KAZN: variants seen among roughly 807,000 people sequenced by gnomAD.
KAZN encodes the protein kazrin.
Under a neutral mutation model 87.4 loss-of-function variants are expected in KAZN, and 40 were observed. That is an observed-to-expected ratio of 0.46 (90% CI 0.36 to 0.60). KAZN has a LOEUF of 0.60. KAZN is among the 20% of genes least tolerant of loss of function. The pLI is 0.00. For synonymous variants in KAZN, 466 were observed against 458.3 expected, an observed-to-expected ratio of 1.02 and a Z score of -0.22; for missense variants, 898 against 1,073.9, an observed-to-expected ratio of 0.84 and a Z score of 2.29.
chr1:14,804,980 TC>T (rs1360990746), intron 1 of KAZN, among the ~76,000 whole-genome samples: 1 of 152,216 alleles, frequency 6.6e-6, no homozygotes, highest in Non-Finnish European at 1.5e-5. Context: ...TTTAATTATT[TC>T]CTTTTCATGT....
At chr1:13,995,631 A>G (rs916991771) in intron 1 of KAZN, among the ~76,000 whole-genome samples, 4 of 152,242 alleles carry the variant, frequency 2.6e-5, no homozygotes, top group African/African-American at 4.8e-5. Context: ...CACGATCCCA[A>G]TCAAACCCCA....
Position 15,103,227 on chromosome 1 carries a change from A to G in KAZN, c.1780-132A>G, listed in dbSNP as rs1641145962. 4.5e-6 allele frequency: 3 copies of G among 663,742 alleles called. No homozygotes were observed. The Admixed American group carries it at 7.0e-5, about 15-fold the overall frequency. 41.1% of individuals were successfully genotyped at this position (663,742 alleles called of 1,614,324 possible). On this transcript the variant is annotated intron_variant, in intron 11 of 14. Transcript: ENST00000376030. ...GGTTGCAGTGAGCACAGATAGCACC[A>G]CTGCACTCATGCCTGGGCAGCAGAG...
chr1:14,429,205 A>C (rs2101369109), intron 2 of KAZN, among the ~76,000 whole-genome samples: 1 of 152,312 alleles, frequency 6.6e-6, no homozygotes, highest in East Asian at 1.9e-4. Context: ...ATCTCCTAAG[A>C]ATAGCAGGGT....
rs116183363 is a variant in KAZN at position 14,687,589 on chromosome 1, C to T, written c.226+88366C>T. ...GCATTAGAAGAACTTTCCAGGCCAG[C>T]GTGTAAGACACAAGGGGGGAGGATA... On this transcript the variant is annotated intron_variant, in intron 1 of 14. Coordinates refer to ENST00000376030, the MANE Select transcript of KAZN (RefSeq NM_201628.3). Among the ~76,000 whole-genome samples the T allele has an allele frequency of 4.4e-3, 670 of 152,246 alleles. 2 individuals are homozygous for T. The highest frequency in any genetic ancestry group is 5.3e-3 in the Non-Finnish European group (362 of 68,038).
intron 1 of KAZN, among the ~76,000 whole-genome samples, chr1:14,114,465 C>T (rs1174966093): frequency 6.6e-6 from 1 of 152,020 alleles, no homozygotes; most frequent in Non-Finnish European, 1.5e-5. Flanking sequence ...CTCTCTCGAG[C>T]CCCCTATTCC....
intron 2 of KAZN, among the ~76,000 whole-genome samples, chr1:15,008,121 G>C (rs965765243): frequency 5.9e-5 from 9 of 152,348 alleles, no homozygotes; most frequent in Middle Eastern, 3.4e-3. Flanking sequence ...GCCTGCGGAA[G>C]TGGGTAGCTG....
intron 2 of KAZN, among the ~76,000 whole-genome samples, chr1:14,325,248 G>T (rs1656328488): frequency 6.6e-6 from 1 of 152,134 alleles, no homozygotes; most frequent in Non-Finnish European, 1.5e-5. Flanking sequence ...ATCACTCTGA[G>T]CATTAAAGCC....
intron 1 of KAZN, among the ~76,000 whole-genome samples, chr1:14,742,340 T>C (rs540706145): frequency 6.6e-6 from 1 of 152,360 alleles, no homozygotes; most frequent in African/African-American, 2.4e-5. Context: ...TATTCATGAA[T>C]GTGTCCCTCC....
chr1:14,854,959 C>A (rs1396558235), intron 1 of KAZN, among the ~76,000 whole-genome samples: 2 of 152,112 alleles, frequency 1.3e-5, no homozygotes, highest in African/African-American at 4.8e-5. Context: ...AATAGCAACA[C>A]TAGATGATTT....
chr1:14,858,878 T>C (rs770583851), intron 1 of KAZN, among the ~76,000 whole-genome samples: 1 of 152,202 alleles, frequency 6.6e-6, no homozygotes, highest in Non-Finnish European at 1.5e-5. Context: ...TCTCATCATG[T>C]ACATCTCGTG....
chr1:13,912,664 C>A (rs951225377), intron 1 of KAZN, among the ~76,000 whole-genome samples: 1 of 152,142 alleles, frequency 6.6e-6, no homozygotes, highest in Non-Finnish European at 1.5e-5. Flanking sequence ...AATGCAGTGG[C>A]ACAATCTTGG....
chr1:15,060,069 T>C (rs949803427), intron 5 of KAZN, 103 bp from the exon 6 acceptor site: 5 of 1,456,276 alleles, frequency 3.4e-6, no homozygotes, highest in Admixed American at 1.9e-5. Context: ...CACCTCAGTG[T>C]TCCCATCTGT....
At chr1:14,639,131 C>T (rs1422385774) in intron 1 of KAZN, among the ~76,000 whole-genome samples, 1 of 152,184 alleles carries the variant, frequency 6.6e-6, no homozygotes, top group African/African-American at 2.4e-5. Context: ...GCCAGAAAGG[C>T]TGGACAGACA....
intron 2 of KAZN, among the ~76,000 whole-genome samples, chr1:14,483,502 A>G (rs1669189879): frequency 6.6e-6 from 1 of 152,234 alleles, no homozygotes; most frequent in Non-Finnish European, 1.5e-5. Context: ...ACCTCTGTTA[A>G]TGGAAAAACC....
chr1:14,173,000 G>A (rs1456792437), intron 1 of KAZN, among the ~76,000 whole-genome samples: 1 of 152,168 alleles, frequency 6.6e-6, no homozygotes, highest in Non-Finnish European at 1.5e-5. Context: ...ATGGGCAGAA[G>A]CTGCAAGACC....
intron 3 of KAZN, among the ~76,000 whole-genome samples, chr1:15,038,245 C>T (rs747176758): frequency 7.3e-5 from 11 of 151,636 alleles, no homozygotes; most frequent in Non-Finnish European, 1.6e-4. Context: ...CAGAATGAGA[C>T]CTTATCTCAA....
chr1:14,209,271 C>A (rs1247150852), intron 2 of KAZN, among the ~76,000 whole-genome samples: 1 of 152,222 alleles, frequency 6.6e-6, no homozygotes, highest in Non-Finnish European at 1.5e-5. Context: ...AAACCAGAAC[C>A]AGAAACCACA....
chr1:15,057,854 T>G lies in KAZN; in HGVS notation c.916+1574T>G, dbSNP rs368218871. Among the ~76,000 whole-genome samples, 48 of 152,224 alleles carry G rather than the reference T, an allele frequency of 3.2e-4. No homozygotes were observed. In the East Asian group the frequency reaches 8.1e-3, roughly 26 times the overall value. ...GGGCTTGGGCAGTTTCTGAATCACG[T>G]GGGGGCAGCAGACTCCTGGTCATCC... On this transcript the variant is annotated intron_variant, in intron 5 of 14. Coordinates refer to ENST00000376030, the MANE Select transcript of KAZN (RefSeq NM_201628.3).
chr1:14,650,222 A>G (rs1361223262), intron 1 of KAZN, among the ~76,000 whole-genome samples: 1 of 152,146 alleles, frequency 6.6e-6, no homozygotes, highest in Non-Finnish European at 1.5e-5. Context: ...TGTCAAATAC[A>G]TATTAAAAAT....
Sources: allele counts gnomAD v4.1 joint callset (sites outside exome capture counted in the v4.1 genomes callset), GRCh38; gene constraint gnomAD v4.1.1; transcripts MANE v1.5; gene names NCBI Gene and HGNC (gene_info 2026-07-23, HGNC 2026-07-21).